ACTA2: variants seen among roughly 807,000 people sequenced by gnomAD.
ACTA2 encodes actin alpha 2, smooth muscle.
Under a neutral mutation model 39.5 loss-of-function variants are expected in ACTA2, and 12 were observed. The observed-to-expected ratio is 0.30, with a 90% CI of 0.19 to 0.49. The LOEUF is 0.49. Among genes scored for constraint, ACTA2 ranks in the 20% least tolerant of loss-of-function variants. The pLI, the probability that ACTA2 is intolerant of heterozygous loss-of-function variation, is 0.99. For synonymous variants in ACTA2, 158 were observed against 180.6 expected, an observed-to-expected ratio of 0.88 and a Z score of 1.00; for missense variants, 236 against 498.8, an observed-to-expected ratio of 0.47 and a Z score of 5.02.
chr10:88,971,389 G>C (rs1798285777), intron 1 of ACTA2, among the ~76,000 whole-genome samples: 1 of 152,194 alleles, frequency 6.6e-6, no homozygotes, highest in African/African-American at 2.4e-5. Context: ...GGTGCCAATG[G>C]CATGGAGCCA....
chr10:88,962,183 T>C (rs926641628), intron 1 of ACTA2, among the ~76,000 whole-genome samples: 10 of 152,194 alleles, frequency 6.6e-5, no homozygotes, highest in Admixed American at 3.3e-4. Flanking sequence ...CCACTTTTTA[T>C]GAGAAGGTAG....
At chr10:88,959,438 C>T (rs1446574852) in intron 1 of ACTA2, among the ~76,000 whole-genome samples, 8 of 152,154 alleles carry the variant, frequency 5.3e-5, no homozygotes, top group Admixed American at 2.0e-4. Flanking sequence ...TCAGAATCAA[C>T]AGAGGAGTGT....
upstream of ACTA2, among the ~76,000 whole-genome samples, chr10:88,957,075 A>G (rs1041310680): frequency 6.6e-6 from 1 of 152,184 alleles, no homozygotes; most frequent in South Asian, 2.1e-4. Flanking sequence ...AGACATATTA[A>G]GATCGTAGCA....
At chr10:88,980,844 A>G (rs1205765660) in intron 1 of ACTA2, among the ~76,000 whole-genome samples, 3 of 152,212 alleles carry the variant, frequency 2.0e-5, no homozygotes, top group Non-Finnish European at 4.4e-5. Context: ...TAAATTTAAA[A>G]AGAGAGAGAT....
At chr10:88,976,869 C>T (rs1289372144) in intron 1 of ACTA2, among the ~76,000 whole-genome samples, 2 of 152,116 alleles carry the variant, frequency 1.3e-5, no homozygotes, top group Non-Finnish European at 2.9e-5. Flanking sequence ...ATTATTAGAG[C>T]TTCTTAGAGG....
chr10:88,938,502 A>G, intron 7 of ACTA2: 1 of 474,124 alleles, frequency 2.1e-6, no homozygotes. Context: ...TAATAGACTC[A>G]CTACTCACTC....
At chr10:88,986,942 A>AT (rs1195194305) in intron 1 of ACTA2, among the ~76,000 whole-genome samples, 1 of 152,238 alleles carries the variant, frequency 6.6e-6, no homozygotes, top group Non-Finnish European at 1.5e-5. Flanking sequence ...GGTGATTTGC[A>AT]TATGTCATTT....
At chr10:88,988,253 A>G (rs1417651026) in intron 1 of ACTA2, among the ~76,000 whole-genome samples, 1 of 152,224 alleles carries the variant, frequency 6.6e-6, no homozygotes, top group Non-Finnish European at 1.5e-5. Context: ...AAGGAAGAAG[A>G]AGGAGAAAGG....
intron 1 of ACTA2, among the ~76,000 whole-genome samples, chr10:88,988,186 TAAG>T (rs1731888598): frequency 1.3e-5 from 2 of 152,130 alleles, no homozygotes; most frequent in African/African-American, 4.8e-5. Context: ...ATCAAATAGT[TAAG>T]AAGAGGGGAG....
At chr10:88,963,401 T>G (rs943959623) in intron 1 of ACTA2, among the ~76,000 whole-genome samples, 1 of 113,152 alleles carries the variant, frequency 8.8e-6, no homozygotes, top group Non-Finnish European at 2.0e-5. Flanking sequence ...ATAAAGTAGT[T>G]TATTTCTTAC....
At chr10:88,951,710 G>A (rs1444473663) in intron 1 of ACTA2, among the ~76,000 whole-genome samples, 3 of 152,152 alleles carry the variant, frequency 2.0e-5, no homozygotes, top group East Asian at 1.9e-4. Context: ...AACTGCACCC[G>A]GGTCAGGGGA....
At chr10:88,951,666 A>G (rs144244350) in intron 1 of ACTA2, among the ~76,000 whole-genome samples, 1 of 152,296 alleles carries the variant, frequency 6.6e-6, no homozygotes, top group East Asian at 1.9e-4. Flanking sequence ...GCATTTCCTA[A>G]TTAGGTAAAA....
intron 1 of ACTA2, among the ~76,000 whole-genome samples, chr10:88,988,111 C>T (rs537443298): frequency 3.2e-4 from 48 of 152,284 alleles, no homozygotes; most frequent in African/African-American, 1.1e-3. Flanking sequence ...TCCTATCTAT[C>T]TTTCCATTTA....
At chr10:88,976,596 A>G (rs1253221402) in intron 1 of ACTA2, among the ~76,000 whole-genome samples, 1 of 152,218 alleles carries the variant, frequency 6.6e-6, no homozygotes, top group Non-Finnish European at 1.5e-5. Flanking sequence ...GAAAATGACT[A>G]ACATATCTCT....
chr10:88,939,323 G>A, intron 7 of ACTA2, 184 bp downstream of exon 7: 1 of 722,440 alleles, frequency 1.4e-6, no homozygotes, highest in Non-Finnish European at 2.4e-6. Context: ...TTCTTAGGAA[G>A]AAAACCTTTT....
intron 3 of ACTA2, 39 bp downstream of exon 3, chr10:88,947,219 T>C: frequency 1.2e-6 from 2 of 1,613,440 alleles, no homozygotes; most frequent in Non-Finnish European, 1.7e-6. Context: ...ACAGGGATTA[T>C]GCATCCTGAG....
chr10:88,937,991 A>T (rs528575403), intron 8 of ACTA2, 70 bp downstream of exon 8: 5 of 1,567,854 alleles, frequency 3.2e-6, no homozygotes, highest in African/African-American at 1.4e-5. Context: ...GTCTCTGAAG[A>T]GTTCTTATCT....
rs1223323843 is a variant in ACTA2, at chr10:88,939,588, C to T, written c.727G>A (p.Glu243Lys). ...ASSSSLEKSY[E>K]LPDGQVITIG... ...GTGATCACTTGCCCATCAGGCAACT[C>T]GTAACTCTTCTCAAGGGAGGATGAG... Residue 243 changes from glutamate to lysine, a missense_variant, in exon 7 of 9, where the codon GAG (glutamate) becomes AAG (lysine). Physicochemically the swap from Glu to Lys is moderately conservative, Grantham distance 56. Coordinates refer to ENST00000224784, the MANE Select transcript of ACTA2 (RefSeq NM_001613.4). The T allele has an allele frequency of 1.2e-6, 2 of 1,613,964 alleles. No homozygotes were observed. The highest frequency in any genetic ancestry group is 1.7e-6 in the Non-Finnish European group (2 of 1,179,988).
chr10:88,986,123 A>T (rs188500043), intron 1 of ACTA2, among the ~76,000 whole-genome samples: 1 of 152,358 alleles, frequency 6.6e-6, no homozygotes, highest in Admixed American at 6.5e-5. Flanking sequence ...CAAGTAGACT[A>T]CAGAAATGGC....
Sources: gnomAD v4.1 joint callset for allele counts (sites outside exome capture counted in the v4.1 genomes callset) on GRCh38, gnomAD v4.1.1 for gene constraint, MANE v1.5 for transcripts, NCBI Gene and HGNC (gene_info 2026-07-23, HGNC 2026-07-21) for gene names.